Variants in SOHLH1 observed in about 807,000 individuals in gnomAD.
SOHLH1 encodes spermatogenesis- and oogenesis-specific basic helix-loop-helix-containing protein 1.
Under a neutral mutation model 36.2 loss-of-function variants are expected in SOHLH1, and 23 were observed. That is an observed-to-expected ratio of 0.64 (90% CI 0.46 to 0.90). The LOEUF (loss-of-function observed/expected upper bound fraction) is 0.90. Among genes scored for constraint, SOHLH1 ranks in the 40% least tolerant of loss-of-function variants. SOHLH1 has a pLI of 0.00. For missense variants in SOHLH1, 608 were observed against 517.0 expected (o/e 1.18, Z -1.71); for synonymous variants, 289 against 228.3 (o/e 1.27, Z -2.40).
chr9:135,698,864 G>A (rs1181636637), intron 2 of SOHLH1, 131 bp downstream of exon 2: 4 of 1,309,626 alleles, frequency 3.1e-6, no homozygotes, highest in Non-Finnish European at 4.4e-6. Context: ...GAGATGTGCA[G>A]TCTGTCCTTC....
At chr9:135,697,404 G>A (rs543950110) in intron 4 of SOHLH1, 102 bp downstream of exon 4, 38 of 1,524,514 alleles carry the variant, frequency 2.5e-5, no homozygotes, top group South Asian at 1.1e-4. Flanking sequence ...AGGCCAAGCC[G>A]GGCCTCCAGG....
chr9:135,698,295 C>G, intron 3 of SOHLH1, 34 bp downstream of exon 3: 2 of 1,612,574 alleles, frequency 1.2e-6, no homozygotes, highest in East Asian at 2.2e-5. Context: ...ACCGTGATGC[C>G]GGAGGACTGA....
At chr9:135,699,510 C>T (rs773846580), upstream of SOHLH1, 7 of 1,592,492 alleles carry the variant, frequency 4.4e-6, no homozygotes, top group African/African-American at 1.3e-5. Context: ...CGGCCCCTTC[C>T]GCAGGCAGCC....
rs572151068 is a variant in SOHLH1, at chr9:135,699,171, A to G, written c.66-45T>C. 7 of 1,555,850 alleles carry G rather than the reference A, an allele frequency of 4.5e-6. No homozygotes were observed. The South Asian group carries it at 8.1e-5, about 18-fold the overall frequency. On this transcript the variant is annotated intron_variant, in intron 1 of 7. Transcript: ENST00000425225. ...CACCGGGCCCTGAGAACCCCAGAAA[A>G]GGCCACCAGGAGTCCCAGATGCCAG...
rs1399035876 is a variant in SOHLH1 at position 135,699,410 on chromosome 9, C to T, written c.58G>A (p.Gly20Arg). The stretch of plus-strand genomic sequence containing the variant: ...GCCAGCCCAATTCCTCACTTGCATC[C>T]CCTGACGGTAGGGATTCTGGAGACC... ...PEVSRIPTVR[G>R]CNGSLSGALS... Residue 20 changes from glycine (G) to arginine (R), a missense_variant, in exon 1 of 8, where the codon GGA (glycine) becomes AGA (arginine). Physicochemically the swap from Gly to Arg is moderately radical, Grantham distance 125 (BLOSUM62 -2). Transcript: ENST00000425225. 2 of 1,611,940 alleles carry T rather than the reference C, an allele frequency of 1.2e-6. No individual in the cohort carries two copies. The highest frequency in any genetic ancestry group is 1.7e-6 in the Non-Finnish European group (2 of 1,179,656).
chr9:135,698,891 C>T, intron 2 of SOHLH1, 104 bp downstream of exon 2: 2 of 1,538,822 alleles, frequency 1.3e-6, no homozygotes, highest in Non-Finnish European at 9.0e-7. Context: ...GCACAGGCCA[C>T]GAGCCCCTCC....
upstream of SOHLH1, chr9:135,699,602 T>C (rs554081872): frequency 2.8e-4 from 249 of 877,454 alleles, no homozygotes; most frequent in African/African-American, 3.6e-3. Context: ...TCCGCCCCCA[T>C]AGCGCATGCG....
chr9:135,695,179 T>C lies in SOHLH1; in HGVS notation c.746A>G (p.Gln249Arg). 6.2e-7 allele frequency: 1 copy of C among 1,604,516 alleles called. No individual in the cohort carries two copies. Among genetic ancestry groups the C allele is most frequent in the Non-Finnish European group, 8.5e-7 (1 of 1,177,200 alleles). The stretch of plus-strand genomic sequence containing the variant: ...GCTCATCACGGGCAAGGTCTGCTGC[T>C]GCGAGAACGGAGGCCAGGACAGGGG... Reference protein sequence around the residue: ...RPPLSWPPFSQQQTLPVMSGE... With the variant: ...RPPLSWPPFSRQQTLPVMSGE... The change falls in exon 6 of 8, where the codon CAG (glutamine) becomes CGG (arginine). Residue 249 changes from glutamine to arginine, a missense_variant. By Grantham distance (43) the Gln-to-Arg change is conservative. Coordinates refer to ENST00000425225, the MANE Select transcript of SOHLH1 (RefSeq NM_001101677.2).
At chr9:135,701,386 T>C (rs1355368597), upstream of SOHLH1, among the ~76,000 whole-genome samples, 1 of 152,188 alleles carries the variant, frequency 6.6e-6, no homozygotes, top group Non-Finnish European at 1.5e-5. Flanking sequence ...GGCACAGTCC[T>C]GGCTTAGTGA....
rs1365382952 is a variant in SOHLH1 at position 135,698,989 on chromosome 9, A to C, written c.197+6T>G. Reference sequence around the variant, plus strand: ...GCCCTCACCCCTGGGAGGCACCACCACTCACCTGCGCTCCCTCTCGCTGAT... The same window carrying C: ...GCCCTCACCCCTGGGAGGCACCACCCCTCACCTGCGCTCCCTCTCGCTGAT... On this transcript the variant is annotated splice_donor_region_variant and intron_variant, in intron 2 of 7. Coordinates refer to ENST00000425225, the MANE Select transcript of SOHLH1 (RefSeq NM_001101677.2). The C allele has an allele frequency of 6.2e-7, 1 of 1,610,712 alleles. No homozygotes were observed. Among genetic ancestry groups the C allele is most frequent in the South Asian group, 1.1e-5 (1 of 90,972 alleles).
chr9:135,696,727 G>A lies in SOHLH1; in HGVS notation c.546C>T (p.His182=), dbSNP rs1833100849. Residue 182 remains histidine, a synonymous_variant, in exon 5 of 8, where the codon CAC becomes CAT. Coordinates refer to ENST00000425225, the MANE Select transcript of SOHLH1 (RefSeq NM_001101677.2). Reference sequence around the variant, plus strand: ...CCCACTGCCTGGAGGACGCAAGGATGTGCGGCACGGGCTCTGGGCTGGCCG... The same window carrying A: ...CCCACTGCCTGGAGGACGCAAGGATATGCGGCACGGGCTCTGGGCTGGCCG... ...PASASPEPVP[H]ILASSRQWDP... The A allele has an allele frequency of 6.2e-7, 1 of 1,613,060 alleles. No individual in the cohort carries two copies. Among genetic ancestry groups the A allele is most frequent in the African/African-American group, 1.3e-5 (1 of 75,054 alleles).
At chr9:135,695,663 C>A (rs191813884) in intron 5 of SOHLH1, among the ~76,000 whole-genome samples, 1 of 152,246 alleles carries the variant, frequency 6.6e-6, no homozygotes, top group Non-Finnish European at 1.5e-5. Context: ...GCTCTGACAC[C>A]AGCCCTGCCA....
chr9:135,699,528 C>T, upstream of SOHLH1: 1 of 1,541,146 alleles, frequency 6.5e-7, no homozygotes, highest in Non-Finnish European at 8.9e-7. Flanking sequence ...GCCCCGCCCC[C>T]TCACGTGTGC....
intron 6 of SOHLH1, 66 bp downstream of exon 6, chr9:135,694,984 G>A: frequency 6.8e-7 from 1 of 1,477,152 alleles, no homozygotes; most frequent in Non-Finnish European, 9.2e-7. Context: ...GGGAGGAGGT[G>A]GGACAGGCTC....
intron 3 of SOHLH1, among the ~76,000 whole-genome samples, chr9:135,697,922 A>G (rs1376380046): frequency 1.3e-5 from 2 of 151,822 alleles, no homozygotes; most frequent in Non-Finnish European, 2.9e-5. Flanking sequence ...CAGCCCCAGC[A>G]CTCACGGGGT....
chr9:135,699,161 AC>A (rs1259017052), intron 1 of SOHLH1, 35 bp from the exon 2 acceptor site: 4 of 1,564,634 alleles, frequency 2.6e-6, no homozygotes, highest in Non-Finnish European at 3.5e-6. Context: ...GGCCCTGAGA[AC>A]CCCAGAAAAG....
intron 2 of SOHLH1, 111 bp downstream of exon 2, chr9:135,698,884 C>G (rs1834916529): frequency 6.6e-7 from 1 of 1,504,494 alleles, no homozygotes; most frequent in Non-Finnish European, 9.2e-7. Context: ...CTCCTGGGCA[C>G]AGGCCACGAG....
chr9:135,698,372 A>C lies in SOHLH1; in HGVS notation c.302T>G (p.Leu101Arg). 1 of 1,613,126 alleles carries C rather than the reference A, an allele frequency of 6.2e-7. No homozygotes were observed. The highest frequency in any genetic ancestry group is 8.5e-7 in the Non-Finnish European group (1 of 1,180,022). ...ASVLEMSVQF[L>R]RLASALGPSQ... is the part of the protein sequence containing the mutation. ...GGGCCCCAGGGCGCTGGCAAGCCGC[A>C]GGAACTGCACAGACATCTCCAGGAC... The change falls in exon 3 of 8, where the codon CTG becomes CGG. Residue 101 changes from leucine to arginine, a missense_variant. Transcript: ENST00000425225.
Position 135,693,827 on chromosome 9 carries a change from A to G in SOHLH1, c.947-13T>C. 3.2e-6 allele frequency: 5 copies of G among 1,546,590 alleles called. No homozygotes were observed. Among genetic ancestry groups the G allele is most frequent in the Non-Finnish European group, 3.5e-6 (4 of 1,140,694 alleles). The stretch of plus-strand genomic sequence containing the variant: ...CCCTCCAGAGACCCTGGAAGCAAAC[A>G]GGACACATCGGCAGGGCAGGCAGGT... On this transcript the variant is annotated splice_polypyrimidine_tract_variant and intron_variant, in intron 7 of 7. Transcript: ENST00000425225.
Sources: gnomAD v4.1 joint callset for allele counts (sites outside exome capture counted in the v4.1 genomes callset) on GRCh38, gnomAD v4.1.1 for gene constraint, MANE v1.5 for transcripts, NCBI Gene and HGNC (gene_info 2026-07-23, HGNC 2026-07-21) for gene names.